ANO3: variants seen among roughly 807,000 people sequenced by gnomAD.
The protein encoded by ANO3 is anoctamin-3.
A neutral mutation model predicts 144.8 loss-of-function variants in ANO3; 99 were observed. That is an observed-to-expected ratio of 0.68 (90% CI 0.58 to 0.81). The LOEUF (loss-of-function observed/expected upper bound fraction) is 0.81, where lower values mean the gene tolerates loss of function less well. Ranked by LOEUF, ANO3 falls within the 30% of genes least tolerant of loss-of-function variation. The pLI is 0.00. For missense variants in ANO3, 905 were observed against 1,202.2 expected (o/e 0.75, Z 3.66); for synonymous variants, 414 against 392.6 (o/e 1.05, Z -0.64).
intron 14 of ANO3, among the ~76,000 whole-genome samples, chr11:26,576,609 G>C (rs1446881637): frequency 3.9e-5 from 6 of 152,070 alleles, no homozygotes. Flanking sequence ...ATCACACTTT[G>C]TAAAACTGAA....
At chr11:26,197,319 A>G (rs1317311694) in intron 1 of ANO3, among the ~76,000 whole-genome samples, 1 of 152,064 alleles carries the variant, frequency 6.6e-6, no homozygotes, top group Non-Finnish European at 1.5e-5. Flanking sequence ...ATGAAATTAA[A>G]CTATATGGGT....
At chr11:26,374,073 C>T (rs1317164263) in intron 1 of ANO3, among the ~76,000 whole-genome samples, 1 of 152,150 alleles carries the variant, frequency 6.6e-6, no homozygotes, top group Non-Finnish European at 1.5e-5. Flanking sequence ...AGAGACATTA[C>T]ATGCTTCCAG....
chr11:26,453,792 A>G (rs914720250), intron 3 of ANO3, among the ~76,000 whole-genome samples: 3 of 152,168 alleles, frequency 2.0e-5, no homozygotes, highest in Admixed American at 6.5e-5. Flanking sequence ...TTTCAGCACC[A>G]CACCACACCT....
At chr11:26,659,235 A>G (rs963308734) in intron 26 of ANO3, among the ~76,000 whole-genome samples, 4 of 152,158 alleles carry the variant, frequency 2.6e-5, no homozygotes, top group African/African-American at 9.7e-5. Context: ...CTTTAGGGAT[A>G]TAACACAGAA....
chr11:26,210,751 A>G, intron 1 of ANO3, among the ~76,000 whole-genome samples: 1 of 150,554 alleles, frequency 6.6e-6, no homozygotes, highest in Non-Finnish European at 1.5e-5. Context: ...GCAATTGTAA[A>G]TGGGAGTTCC....
intron 1 of ANO3, among the ~76,000 whole-genome samples, chr11:26,313,001 TG>T (rs1459450909): frequency 7.2e-5 from 11 of 152,130 alleles, no homozygotes; most frequent in African/African-American, 2.7e-4. Flanking sequence ...TCAGAGAGAG[TG>T]TACTTTAATC....
chr11:26,352,718 CT>C (rs1434760190), intron 1 of ANO3, among the ~76,000 whole-genome samples: 1 of 152,098 alleles, frequency 6.6e-6, no homozygotes. Context: ...TTTGTTTGCC[CT>C]ATCACTAGTT....
intron 22 of ANO3, among the ~76,000 whole-genome samples, chr11:26,642,763 T>G (rs1177134900): frequency 1.3e-5 from 2 of 152,164 alleles, no homozygotes; most frequent in Non-Finnish European, 2.9e-5. Context: ...CTTCTGAATC[T>G]TAACTCCTCC....
intron 1 of ANO3, among the ~76,000 whole-genome samples, chr11:26,242,357 T>G (rs1852681484): frequency 6.6e-6 from 1 of 152,182 alleles, no homozygotes; most frequent in African/African-American, 2.4e-5. Flanking sequence ...CTCTGTAGAT[T>G]TGCCCTGTCC....
intron 1 of ANO3, among the ~76,000 whole-genome samples, chr11:26,272,410 C>CCCAT: frequency 6.6e-6 from 1 of 152,276 alleles, no homozygotes; most frequent in South Asian, 2.1e-4. Context: ...GGCATGACAA[C>CCCAT]TTTGCATTTT....
rs1041508963 is a variant in ANO3 at position 26,452,737 on chromosome 11, A to G, written c.313+8901A>G. Among the ~76,000 whole-genome samples the G allele has an allele frequency of 6.6e-5, 10 of 152,290 alleles. No individual in the cohort carries two copies. The South Asian group carries it at 8.3e-4, about 13-fold the overall frequency. ...TTCAGGAAATACAGAGAACACCACA[A>G]AGATACTCCTCGAGAAGAGCAACCC... On this transcript the variant is annotated intron_variant, in intron 3 of 26. Transcript: ENST00000256737.
In ANO3 at chr11:26,441,904, T is replaced by A; in HGVS notation, c.47-14T>A. ...GATTTTTTATTGCTAAAACTCAACA[T>A]TTTGGATTTGCAGGTATGAATATAA... On this transcript the variant is annotated splice_polypyrimidine_tract_variant and intron_variant, in intron 1 of 26. Coordinates refer to ENST00000256737, the MANE Select transcript of ANO3 (RefSeq NM_031418.4). The A allele has an allele frequency of 6.2e-7, 1 of 1,600,942 alleles. No homozygotes were observed. Among genetic ancestry groups the A allele is most frequent in the Non-Finnish European group, 8.5e-7 (1 of 1,172,998 alleles).
chr11:26,252,898 A>G (rs1852966643), intron 1 of ANO3, among the ~76,000 whole-genome samples: 1 of 152,206 alleles, frequency 6.6e-6, no homozygotes, highest in Non-Finnish European at 1.5e-5. Context: ...TATCTGAGAC[A>G]TTCTCATAAG....
intron 3 of ANO3, among the ~76,000 whole-genome samples, chr11:26,461,324 A>T (rs1859387943): frequency 6.6e-6 from 1 of 152,032 alleles, no homozygotes; most frequent in African/African-American, 2.4e-5. Context: ...TGTGCATTTT[A>T]AAGTTTTCTG....
intron 7 of ANO3, among the ~76,000 whole-genome samples, chr11:26,529,981 G>A (rs969466510): frequency 1.3e-5 from 2 of 152,088 alleles, no homozygotes; most frequent in African/African-American, 4.8e-5. Context: ...TCAGTGGTTA[G>A]CAATATGAGT....
chr11:26,598,520 T>C, intron 15 of ANO3, 73 bp downstream of exon 15: 1 of 1,063,326 alleles, frequency 9.4e-7, no homozygotes, highest in Non-Finnish European at 1.4e-6. Context: ...GCCCTAGCAT[T>C]CCGGCTGGAA....
chr11:26,532,838 A>G (rs371531527), intron 8 of ANO3, among the ~76,000 whole-genome samples: 4 of 152,128 alleles, frequency 2.6e-5, no homozygotes, highest in African/African-American at 7.2e-5. Flanking sequence ...CTATCCCAGT[A>G]TACAGTTTTC....
intron 14 of ANO3, among the ~76,000 whole-genome samples, chr11:26,583,630 A>G (rs1280692902): frequency 6.6e-6 from 1 of 152,252 alleles, no homozygotes; most frequent in Non-Finnish European, 1.5e-5. Flanking sequence ...AATTTTCCCC[A>G]GGCATGGAGA....
chr11:26,306,048 T>A (rs1177733168), upstream of ANO3, among the ~76,000 whole-genome samples: 1 of 151,692 alleles, frequency 6.6e-6, no homozygotes, highest in Non-Finnish European at 1.5e-5. Context: ...AAGCTCCGCC[T>A]CCCAGGTTCA....
Sources: gnomAD v4.1 joint callset for allele counts (sites outside exome capture counted in the v4.1 genomes callset) on GRCh38, gnomAD v4.1.1 for gene constraint, MANE v1.5 for transcripts, NCBI Gene and HGNC (gene_info 2026-07-23, HGNC 2026-07-21) for gene names.